GAS2L3: variants seen among roughly 807,000 people sequenced by gnomAD.
GAS2L3 encodes GAS2-like protein 3.
GAS2L3 carries 28 observed loss-of-function variants against 37.0 expected under a neutral mutation model. The observed-to-expected ratio is 0.76, with a 90% confidence interval of 0.56 to 1.04. The LOEUF is 1.04. Ranked by LOEUF, GAS2L3 falls within the 50% of genes least tolerant of loss-of-function variation. GAS2L3 has a pLI of 0.00. For missense variants in GAS2L3, 793 were observed against 817.6 expected (o/e 0.97, Z 0.37); for synonymous variants, 290 against 296.6 (o/e 0.98, Z 0.23).
intron 3 of GAS2L3, among the ~76,000 whole-genome samples, chr12:100,599,931 AAAT>A (rs1402361271): frequency 3.9e-5 from 6 of 152,224 alleles, no homozygotes; most frequent in Non-Finnish European, 4.4e-5. Context: ...TGAATATTGA[AAAT>A]GTCTTGGCTG....
rs893113700 is a variant in GAS2L3, at chr12:100,624,226, T to C, written c.1421T>C (p.Leu474Ser). The C allele has an allele frequency of 3.7e-6, 6 of 1,614,074 alleles. No homozygotes were observed. The highest frequency in any genetic ancestry group is 5.1e-6 in the Non-Finnish European group (6 of 1,179,996). ...KCSGKTQPKY[L>S]KHNHISSRDN... ...TCAGGAAAAACTCAACCTAAGTATT[T>C]GAAACATAATCATATTTCTTCCAGA... is the stretch of plus-strand genomic sequence containing the variant. Residue 474 changes from leucine to serine, a missense_variant, in exon 10 of 10, where the codon TTG (leucine) becomes TCG (serine). Physicochemically the swap from Leu to Ser is moderately radical, Grantham distance 145. Coordinates refer to ENST00000547754, the MANE Select transcript of GAS2L3 (RefSeq NM_174942.3).
chr12:100,611,517 C>T (rs1159445909), intron 5 of GAS2L3, among the ~76,000 whole-genome samples: 1 of 152,128 alleles, frequency 6.6e-6, no homozygotes, highest in Non-Finnish European at 1.5e-5. Context: ...AGTCCCCAGT[C>T]TTTTTGGCAC....
In GAS2L3 at chr12:100,614,335, C is replaced by T. The variant is rs148304079; in HGVS notation, c.445+2194C>T. 3.0e-3 allele frequency among the ~76,000 whole-genome samples: 455 copies of T among 151,852 alleles called. 2 individuals are homozygous for T. Among genetic ancestry groups the T allele is most frequent in the African/African-American group, 9.6e-3 (397 of 41,368 alleles). ...AAAATTAGCTGGGCATGGTGGTGCACGCCTGTAGTCCCAGGTACTCAGGAG... is the reference window on the plus strand; with the variant it reads ...AAAATTAGCTGGGCATGGTGGTGCATGCCTGTAGTCCCAGGTACTCAGGAG... On this transcript the variant is annotated intron_variant, in intron 6 of 9. Coordinates refer to ENST00000547754, the MANE Select transcript of GAS2L3 (RefSeq NM_174942.3).
In GAS2L3 at chr12:100,627,122, G is replaced by T. The variant is rs1266566045; in HGVS notation, c.*2232G>T. On this transcript the variant is annotated 3_prime_UTR_variant, in exon 10 of 10. Coordinates refer to ENST00000547754, the MANE Select transcript of GAS2L3 (RefSeq NM_174942.3). ...AAAAAAAGAAAAAGAAAAGAAAAAGGTTTATTTGAATAATTGGAAGTCAGT... is the reference window on the plus strand; with the variant it reads ...AAAAAAAGAAAAAGAAAAGAAAAAGTTTTATTTGAATAATTGGAAGTCAGT... 6.6e-6 allele frequency among the ~76,000 whole-genome samples: 1 copy of T among 151,312 alleles called. No individual in the cohort carries two copies. Among genetic ancestry groups the T allele is most frequent in the Admixed American group, 6.6e-5 (1 of 15,192 alleles).
intron 3 of GAS2L3, 132 bp downstream of exon 3, chr12:100,595,054 CAT>C: frequency 2.5e-6 from 1 of 397,482 alleles, no homozygotes; most frequent in East Asian, 3.9e-5. Flanking sequence ...TTTAATAACA[CAT>C]ACTATATTTT....
intron 6 of GAS2L3, among the ~76,000 whole-genome samples, chr12:100,615,071 A>G (rs985462764): frequency 1.3e-5 from 2 of 152,148 alleles, no homozygotes; most frequent in Non-Finnish European, 2.9e-5. Context: ...AATTCTGTTT[A>G]TCTTTTTGAG....
At chr12:100,587,150 AAAG>A (rs1410097212) in intron 1 of GAS2L3, among the ~76,000 whole-genome samples, 4 of 152,342 alleles carry the variant, frequency 2.6e-5, no homozygotes, top group African/African-American at 7.2e-5. Flanking sequence ...CCAGACATTC[AAAG>A]AAGAATTGGT....
At chr12:100,600,968 G>A (rs888263610) in intron 4 of GAS2L3, among the ~76,000 whole-genome samples, 1 of 152,060 alleles carries the variant, frequency 6.6e-6, no homozygotes, top group South Asian at 2.1e-4. Context: ...AGGCATTGAA[G>A]GATACAGCCA....
At position 100,626,252 on chromosome 12, in the gene GAS2L3, T is replaced by G. The variant is rs952241104; in HGVS notation, c.*1362T>G. Reference sequence around the variant, plus strand: ...AAAAAAATAATAGTTTACACAAATGTACAATCATAGAATAAGCATTTTAAG... The same window carrying G: ...AAAAAAATAATAGTTTACACAAATGGACAATCATAGAATAAGCATTTTAAG... On this transcript the variant is annotated 3_prime_UTR_variant, in exon 10 of 10. Coordinates refer to ENST00000547754, the MANE Select transcript of GAS2L3 (RefSeq NM_174942.3). 19 of 152,216 alleles carry G rather than the reference T, an allele frequency of 1.2e-4. No individual in the cohort carries two copies. The highest frequency in any genetic ancestry group is 3.9e-4 in the Admixed American group (6 of 15,288). 9.4% of individuals were successfully genotyped at this position (152,216 alleles called of 1,614,324 possible). A position where few individuals can be genotyped will look rare whatever the true frequency, so the allele number is the denominator to read the frequency against.
chr12:100,577,802 T>A (rs1186260636), intron 1 of GAS2L3, among the ~76,000 whole-genome samples: 10 of 152,132 alleles, frequency 6.6e-5, no homozygotes, highest in Non-Finnish European at 1.3e-4. Context: ...TCTAGACAGG[T>A]AAGAGTGAGT....
At position 100,594,871 on chromosome 12, in the gene GAS2L3, TC is replaced by T. The variant is rs1955891218; in HGVS notation, c.-30-3del. On this transcript the variant is annotated splice_region_variant and splice_polypyrimidine_tract_variant and intron_variant, in intron 2 of 9. Transcript: ENST00000547754. Reference sequence around the variant, plus strand: ...TGTATGTTAATATTTTGTTCTTTTTTCAGAAAAGAAATTTCATTTCAATATA... The same window carrying T: ...TGTATGTTAATATTTTGTTCTTTTTTAGAAAAGAAATTTCATTTCAATATA... 8.0e-7 allele frequency: 1 copy of T among 1,246,764 alleles called. No homozygotes were observed. Among genetic ancestry groups the T allele is most frequent in the African/African-American group, 1.6e-5 (1 of 64,018 alleles). The allele number at this position is 1,246,764 out of a possible 1,614,324, so 77.2% of individuals were successfully genotyped here.
intron 5 of GAS2L3, among the ~76,000 whole-genome samples, chr12:100,605,957 A>G (rs891261736): frequency 6.6e-6 from 1 of 151,894 alleles, no homozygotes; most frequent in East Asian, 1.9e-4. Context: ...GCTGAGGAGA[A>G]TAAAGCAGCT....
chr12:100,624,532 A>C lies in GAS2L3; in HGVS notation c.1727A>C (p.Gln576Pro). 6.2e-7 allele frequency: 1 copy of C among 1,614,136 alleles called. No individual in the cohort carries two copies. Among genetic ancestry groups the C allele is most frequent in the Non-Finnish European group, 8.5e-7 (1 of 1,180,034 alleles). The change falls in exon 10 of 10, where the codon CAG becomes CCG. Residue 576 changes from glutamine to proline, a missense_variant. Transcript: ENST00000547754. ...TCAGTTTCTCCTGTAAAAGCCACAC[A>C]GAAATCAAAAGATAAGAATATAGTT... ...VSSVSPVKAT[Q>P]KSKDKNIVSA...
chr12:100,574,424 A>G (rs1046918269), intron 1 of GAS2L3, among the ~76,000 whole-genome samples: 3 of 152,286 alleles, frequency 2.0e-5, no homozygotes. Context: ...CCTTCCGCCC[A>G]CAACCCTCAG....
chr12:100,582,694 C>T (rs1955728547), intron 1 of GAS2L3, among the ~76,000 whole-genome samples: 1 of 152,190 alleles, frequency 6.6e-6, no homozygotes, highest in South Asian at 2.1e-4. Context: ...AGTGTATTAG[C>T]TTCTAGTTAC....
chr12:100,582,229 G>C (rs1307696067), intron 1 of GAS2L3, among the ~76,000 whole-genome samples: 2 of 152,258 alleles, frequency 1.3e-5, no homozygotes, highest in African/African-American at 4.8e-5. Flanking sequence ...GGAGTTACAA[G>C]GTGCTTGGTG....
chr12:100,585,073 G>A (rs1487971379), intron 1 of GAS2L3, among the ~76,000 whole-genome samples: 1 of 127,690 alleles, frequency 7.8e-6, no homozygotes, highest in Admixed American at 7.8e-5. Context: ...TTTTTTTTTG[G>A]TATTTTTAGT....
At chr12:100,590,796 T>C (rs546464308) in intron 1 of GAS2L3, among the ~76,000 whole-genome samples, 5 of 152,282 alleles carry the variant, frequency 3.3e-5, no homozygotes, top group African/African-American at 1.2e-4. Context: ...CTGGATGAGA[T>C]TGAAGACTAT....
At chr12:100,591,402 A>G (rs558454625) in intron 1 of GAS2L3, among the ~76,000 whole-genome samples, 1 of 152,318 alleles carries the variant, frequency 6.6e-6, no homozygotes, top group African/African-American at 2.4e-5. Flanking sequence ...ATTCTAGCAA[A>G]GTGAGTTGTC....
Sources: gnomAD v4.1 joint callset for allele counts (sites outside exome capture counted in the v4.1 genomes callset) on GRCh38, gnomAD v4.1.1 for gene constraint, MANE v1.5 for transcripts, NCBI Gene and HGNC (gene_info 2026-07-23, HGNC 2026-07-21) for gene names.